EYA2: variants seen among roughly 807,000 people sequenced by gnomAD.
The protein encoded by EYA2 is protein phosphatase EYA2.
EYA2 carries 31 observed loss-of-function variants against 69.2 expected under a neutral mutation model. The observed-to-expected ratio is 0.45, with a 90% confidence interval of 0.34 to 0.60. EYA2 has a LOEUF of 0.60. Among genes scored for constraint, EYA2 ranks in the 20% least tolerant of loss-of-function variants. EYA2 has a pLI of 0.02. For synonymous variants in EYA2, 257 were observed against 279.4 expected, an observed-to-expected ratio of 0.92 and a Z score of 0.80; for missense variants, 622 against 701.2, an observed-to-expected ratio of 0.89 and a Z score of 1.28.
At chr20:47,005,124 C>T (rs1982628208) in intron 4 of EYA2, 40 bp downstream of exon 4, 2 of 1,603,278 alleles carry the variant, frequency 1.2e-6, no homozygotes, top group Non-Finnish European at 1.7e-6. Flanking sequence ...CCTCAGGTCC[C>T]CAAATCATGG....
intron 9 of EYA2, among the ~76,000 whole-genome samples, chr20:47,107,736 AAAG>A (rs1273294570): frequency 1.7e-4 from 26 of 149,350 alleles, no homozygotes; most frequent in Admixed American, 4.7e-4. Context: ...AAGAAAAGAA[AAAG>A]AAGAAGAGAG....
chr20:46,986,115 C>A (rs1480633880), intron 1 of EYA2, among the ~76,000 whole-genome samples: 9 of 151,896 alleles, frequency 5.9e-5, no homozygotes, highest in Non-Finnish European at 1.5e-5. Context: ...TGCTAAGCAC[C>A]ATACAATATG....
At chr20:47,175,861 G>A (rs543091501) in intron 12 of EYA2, among the ~76,000 whole-genome samples, 8 of 152,174 alleles carry the variant, frequency 5.3e-5, no homozygotes, top group South Asian at 4.1e-4. Flanking sequence ...ACCAGAGGCC[G>A]TGTGTTCTCC....
intron 1 of EYA2, among the ~76,000 whole-genome samples, chr20:46,934,378 C>T (rs1430401487): frequency 6.6e-6 from 1 of 150,868 alleles, no homozygotes; most frequent in Non-Finnish European, 1.5e-5. Flanking sequence ...TGGTCCCCAG[C>T]CCTTCTAGGT....
intron 9 of EYA2, among the ~76,000 whole-genome samples, chr20:47,098,102 C>T (rs2032305836): frequency 1.3e-5 from 2 of 152,138 alleles, no homozygotes; most frequent in Admixed American, 6.5e-5. Context: ...GTGTAATTAG[C>T]AAGATAGATT....
At chr20:46,967,523 G>A (rs1385158337) in intron 1 of EYA2, among the ~76,000 whole-genome samples, 1 of 152,232 alleles carries the variant, frequency 6.6e-6, no homozygotes, top group Non-Finnish European at 1.5e-5. Flanking sequence ...CCTGGAAGCA[G>A]TGACTTTGTG....
At chr20:46,995,204 T>G (rs1338533910) in intron 2 of EYA2, among the ~76,000 whole-genome samples, 1 of 152,246 alleles carries the variant, frequency 6.6e-6, no homozygotes, top group East Asian at 1.9e-4. Context: ...CCTGGCCTGT[T>G]GTTTCTTTAA....
intron 1 of EYA2, among the ~76,000 whole-genome samples, chr20:46,915,146 C>T (rs1162817037): frequency 1.3e-5 from 2 of 152,224 alleles, no homozygotes; most frequent in African/African-American, 4.8e-5. Flanking sequence ...CGAGCTGTTG[C>T]CTGTGGCAGG....
At chr20:47,004,845 T>C (rs748161344) in intron 3 of EYA2, 97 bp from the exon 4 acceptor site, 1 of 1,518,316 alleles carries the variant, frequency 6.6e-7, no homozygotes, top group Non-Finnish European at 9.1e-7. Context: ...CTGGAAAGAG[T>C]AGAACCCCAA....
chr20:47,126,010 C>T (rs1440464658), intron 9 of EYA2, among the ~76,000 whole-genome samples: 2 of 152,126 alleles, frequency 1.3e-5, no homozygotes, highest in Non-Finnish European at 2.9e-5. Flanking sequence ...CGAAGGCAGG[C>T]AGCAAGCTGC....
intron 9 of EYA2, among the ~76,000 whole-genome samples, chr20:47,138,688 G>T (rs533490153): frequency 1.3e-5 from 2 of 151,888 alleles, no homozygotes; most frequent in Admixed American, 6.6e-5. Flanking sequence ...CTGGGAGGTC[G>T]AGGCTGCAGT....
chr20:47,037,510 C>T (rs4810595), intron 5 of EYA2, among the ~76,000 whole-genome samples: 98,148 of 152,046 alleles, frequency 0.65, 33,562 homozygotes, highest in Non-Finnish European at 0.76. Context: ...TGGCTTAAAA[C>T]AACATGAATT....
intron 1 of EYA2, among the ~76,000 whole-genome samples, chr20:46,932,537 A>T (rs780388805): frequency 3.3e-5 from 5 of 152,124 alleles, no homozygotes; most frequent in Non-Finnish European, 7.4e-5. Flanking sequence ...ATTTTCTCCC[A>T]TGCTGGTCTG....
intron 1 of EYA2, among the ~76,000 whole-genome samples, chr20:46,983,066 C>T (rs546893148): frequency 9.9e-5 from 15 of 152,278 alleles, no homozygotes; most frequent in South Asian, 2.1e-4. Flanking sequence ...AGCCACCACA[C>T]CTGACCAGTA....
At chr20:47,071,192 T>G (rs1399862241) in intron 5 of EYA2, among the ~76,000 whole-genome samples, 3 of 152,126 alleles carry the variant, frequency 2.0e-5, no homozygotes, top group African/African-American at 4.8e-5. Flanking sequence ...GTATTTTTAG[T>G]AGAGACAGAA....
intron 9 of EYA2, among the ~76,000 whole-genome samples, chr20:47,122,131 A>G (rs2033061707): frequency 6.6e-6 from 1 of 152,178 alleles, no homozygotes; most frequent in African/African-American, 2.4e-5. Flanking sequence ...ACTTGGCTGC[A>G]GCTGCCCAGA....
At chr20:46,944,878 C>A (rs999029915) in intron 1 of EYA2, among the ~76,000 whole-genome samples, 1 of 152,066 alleles carries the variant, frequency 6.6e-6, no homozygotes, top group South Asian at 2.1e-4. Context: ...CCGAGGCGGG[C>A]GGATCTCTTG....
chr20:47,173,419 T>C (rs1240497914), intron 12 of EYA2, among the ~76,000 whole-genome samples: 1 of 149,092 alleles, frequency 6.7e-6, no homozygotes, highest in Non-Finnish European at 1.5e-5. Flanking sequence ...CCGGAGCTGG[T>C]TAGAAGTGCA....
chr20:46,906,171 A>G (rs6018149), intron 1 of EYA2, among the ~76,000 whole-genome samples: 89,530 of 152,120 alleles, frequency 0.59, 26,618 homozygotes, highest in African/African-American at 0.64. Context: ...GACAAAAATG[A>G]TTTAAAAACC....
Sources: allele counts gnomAD v4.1 joint callset (sites outside exome capture counted in the v4.1 genomes callset), GRCh38; gene constraint gnomAD v4.1.1; transcripts MANE v1.5; gene names NCBI Gene and HGNC (gene_info 2026-07-23, HGNC 2026-07-21).